Variants in ME3 observed in about 807,000 individuals in gnomAD.
ME3 encodes NADP-dependent malic enzyme, mitochondrial.
ME3 carries 48 observed loss-of-function variants against 68.9 expected under a neutral mutation model. The observed-to-expected ratio is 0.70, with a 90% CI of 0.55 to 0.89. The LOEUF (loss-of-function observed/expected upper bound fraction) is 0.89. ME3 is among the 40% of genes least tolerant of loss of function. ME3 has a pLI of 0.00. For missense variants in ME3, 675 were observed against 797.4 expected (o/e 0.85, Z 1.85); for synonymous variants, 320 against 318.8 (o/e 1.00, Z -0.04).
chr11:86,634,147 T>G (rs1944189498), intron 2 of ME3, among the ~76,000 whole-genome samples: 1 of 151,566 alleles, frequency 6.6e-6, no homozygotes, highest in East Asian at 1.9e-4. Context: ...GAAGGAAGAG[T>G]AGAGGGAGGA....
intron 14 of ME3, among the ~76,000 whole-genome samples, chr11:86,442,301 T>C (rs1949042137): frequency 6.6e-6 from 1 of 152,212 alleles, no homozygotes; most frequent in South Asian, 2.1e-4. Flanking sequence ...AGATTTACCC[T>C]GGCTGAGAGA....
chr11:86,616,288 T>A (rs1488148498), intron 2 of ME3, among the ~76,000 whole-genome samples: 5 of 152,178 alleles, frequency 3.3e-5, no homozygotes, highest in African/African-American at 1.2e-4. Flanking sequence ...AAAACTTTTA[T>A]GATATTTAGG....
Position 86,450,329 on chromosome 11 carries a change from TG to T in ME3, c.988del (p.His330ThrfsTer23). ...GCCTGCACCTTGGAAAACAAACACG[TG>T]ATTGGAAAGCTTGTTCTTGGTGATT... On this transcript the variant is annotated frameshift_variant, in exon 9 of 15. Coordinates refer to ENST00000543262, the Ensembl canonical transcript of ME3. LOFTEE classifies it high-confidence loss of function. 6.2e-7 allele frequency: 1 copy of T among 1,613,994 alleles called. No individual in the cohort carries two copies. The highest frequency in any genetic ancestry group is 8.5e-7 in the Non-Finnish European group (1 of 1,179,992).
chr11:86,441,020 G>A, downstream of ME3: 1 of 293,520 alleles, frequency 3.4e-6, no homozygotes, highest in Non-Finnish European at 6.3e-6. Context: ...TTTCCCACAA[G>A]GCCTGGCCAG....
At chr11:86,453,527 C>T (rs1440005482) in intron 8 of ME3, among the ~76,000 whole-genome samples, 1 of 152,006 alleles carries the variant, frequency 6.6e-6, no homozygotes, top group East Asian at 1.9e-4. Context: ...TAATATGCTT[C>T]CCCCCCACCA....
At chr11:86,562,621 A>G (rs1248653281) in intron 2 of ME3, among the ~76,000 whole-genome samples, 1 of 152,154 alleles carries the variant, frequency 6.6e-6, no homozygotes, top group Non-Finnish European at 1.5e-5. Context: ...TGCTTTAATT[A>G]GCAATCCTCT....
intron 2 of ME3, among the ~76,000 whole-genome samples, chr11:86,665,876 AGAG>A (rs1435796483): frequency 6.6e-6 from 1 of 152,230 alleles, no homozygotes; most frequent in Non-Finnish European, 1.5e-5. Flanking sequence ...CTAAGCATCT[AGAG>A]GAGAAGACTG....
At chr11:86,628,828 T>G (rs1565237005) in intron 2 of ME3, among the ~76,000 whole-genome samples, 1 of 152,166 alleles carries the variant, frequency 6.6e-6, no homozygotes, top group African/African-American at 2.4e-5. Context: ...AGCCTCAGTT[T>G]TATAGTCCTC....
At chr11:86,482,210 A>T (rs904220010) in intron 7 of ME3, among the ~76,000 whole-genome samples, 31 of 152,334 alleles carry the variant, frequency 2.0e-4, no homozygotes, top group Middle Eastern at 6.8e-3. Flanking sequence ...CTCCAGACTT[A>T]CACAGACACT....
At chr11:86,447,855 C>CAAAAAAA (rs35352939) in intron 11 of ME3, among the ~76,000 whole-genome samples, 4 of 120,788 alleles carry the variant, frequency 3.3e-5, no homozygotes, top group African/African-American at 1.3e-4. Flanking sequence ...TAAACTCTGT[C>CAAAAAAA]AAAAAAAAAA....
At chr11:86,668,061 C>G (rs1265904360) in intron 2 of ME3, 1 of 151,986 alleles carries the variant, frequency 6.6e-6, no homozygotes, top group Non-Finnish European at 1.5e-5. Flanking sequence ...CTGGAGGGAG[C>G]TTGGAATCAT....
chr11:86,556,821 A>G (rs1206024005), intron 3 of ME3, 119 bp from the exon 4 acceptor site: 7 of 1,094,972 alleles, frequency 6.4e-6, no homozygotes, highest in Non-Finnish European at 9.2e-6. Context: ...ATTCATGGGC[A>G]AGCCATCTGC....
At chr11:86,603,891 A>T (rs1216803003) in intron 2 of ME3, among the ~76,000 whole-genome samples, 2 of 142,876 alleles carry the variant, frequency 1.4e-5, no homozygotes, top group Admixed American at 7.4e-5. Context: ...TGGGAATTGA[A>T]CAATGAGAAC....
intron 2 of ME3, among the ~76,000 whole-genome samples, chr11:86,626,766 T>C (rs1268824257): frequency 1.3e-5 from 2 of 152,228 alleles, no homozygotes; most frequent in Non-Finnish European, 2.9e-5. Flanking sequence ...AAATAGGCCA[T>C]GAACTGAATT....
chr11:86,659,525 C>A (rs1466097418), intron 2 of ME3, among the ~76,000 whole-genome samples: 1 of 152,160 alleles, frequency 6.6e-6, no homozygotes, highest in Non-Finnish European at 1.5e-5. Context: ...GTCAAGATGA[C>A]CTCTTTGTCT....
At chr11:86,486,215 G>A (rs1270098762) in intron 7 of ME3, among the ~76,000 whole-genome samples, 1 of 152,054 alleles carries the variant, frequency 6.6e-6, no homozygotes, top group Non-Finnish European at 1.5e-5. Context: ...GCTTACTCAA[G>A]GACTTTTTCC....
intron 2 of ME3, among the ~76,000 whole-genome samples, chr11:86,561,266 C>G (rs915576534): frequency 9.9e-5 from 15 of 152,028 alleles, no homozygotes; most frequent in African/African-American, 3.6e-4. Context: ...ACAAGATGCT[C>G]CAGGTTCATC....
chr11:86,547,822 T>G (rs1285355168), intron 4 of ME3, among the ~76,000 whole-genome samples: 1 of 152,082 alleles, frequency 6.6e-6, no homozygotes, highest in Non-Finnish European at 1.5e-5. Flanking sequence ...GGCTAGGAAA[T>G]TCTCCCCACA....
chr11:86,655,118 A>T (rs1204129887), intron 2 of ME3, among the ~76,000 whole-genome samples: 5 of 152,256 alleles, frequency 3.3e-5, no homozygotes, highest in Non-Finnish European at 7.3e-5. Context: ...AAATGGAAGA[A>T]GATTCTATGC....
Sources: allele counts gnomAD v4.1 joint callset (sites outside exome capture counted in the v4.1 genomes callset), GRCh38; gene constraint gnomAD v4.1.1; transcripts MANE v1.5; gene names NCBI Gene and HGNC (gene_info 2026-07-23, HGNC 2026-07-21).